Variants in CCDC146 observed in about 807,000 individuals in gnomAD.
CCDC146 encodes the protein coiled-coil domain-containing protein 146.
A neutral mutation model predicts 119.3 loss-of-function variants in CCDC146; 92 were observed. That is an observed-to-expected ratio of 0.77 (90% CI 0.65 to 0.92). CCDC146 has a LOEUF of 0.92. Among genes scored for constraint, CCDC146 ranks in the 40% least tolerant of loss-of-function variants. The pLI is 0.00. For synonymous variants in CCDC146, 372 were observed against 371.8 expected, an observed-to-expected ratio of 1.00 and a Z score of -0.01; for missense variants, 1,000 against 1,103.0, an observed-to-expected ratio of 0.91 and a Z score of 1.32.
At chr7:77,191,874 C>T (rs571241887) in intron 2 of CCDC146, among the ~76,000 whole-genome samples, 4 of 152,164 alleles carry the variant, frequency 2.6e-5, no homozygotes, top group East Asian at 1.9e-4. Flanking sequence ...GGTGCTACTG[C>T]ACTCCAGCCT....
chr7:77,148,161 G>C (rs1445694706), intron 1 of CCDC146, among the ~76,000 whole-genome samples: 2 of 152,242 alleles, frequency 1.3e-5, no homozygotes, highest in East Asian at 3.8e-4. Context: ...ATCTCAGACT[G>C]CTGTGCTAGC....
intron 2 of CCDC146, among the ~76,000 whole-genome samples, chr7:77,177,642 AC>A (rs1791520057): frequency 6.6e-6 from 1 of 151,972 alleles, no homozygotes; most frequent in Admixed American, 6.6e-5. Context: ...AAATATGTAC[AC>A]TCTGTTTAAA....
chr7:77,280,760 G>A, intron 14 of CCDC146, 107 bp downstream of exon 14: 1 of 762,184 alleles, frequency 1.3e-6, no homozygotes, highest in Non-Finnish European at 2.1e-6. Flanking sequence ...TGATATTCAG[G>A]TTGCATTAGC....
At chr7:77,171,182 C>T (rs908019400) in intron 2 of CCDC146, among the ~76,000 whole-genome samples, 12 of 152,188 alleles carry the variant, frequency 7.9e-5, no homozygotes, top group Non-Finnish European at 1.6e-4. Flanking sequence ...ATGATGTAAG[C>T]TCATGCATTT....
chr7:77,208,518 A>C (rs1295574633), intron 2 of CCDC146, among the ~76,000 whole-genome samples: 2 of 152,238 alleles, frequency 1.3e-5, no homozygotes, highest in African/African-American at 4.8e-5. Context: ...TTATAATCTT[A>C]TGGCACCACC....
At chr7:77,277,423 A>G (rs1793670233) in intron 11 of CCDC146, among the ~76,000 whole-genome samples, 1 of 152,348 alleles carries the variant, frequency 6.6e-6, no homozygotes, top group East Asian at 1.9e-4. Flanking sequence ...ACCAAAATAG[A>G]CAATTCTTCT....
At chr7:77,198,124 A>C in intron 2 of CCDC146, 1 of 985,164 alleles carries the variant, frequency 1.0e-6, no homozygotes, top group Non-Finnish European at 1.2e-6. Context: ...GATGTCACCT[A>C]AGCGGTGAAC....
At chr7:77,240,340 T>C (rs965443714) in intron 3 of CCDC146, among the ~76,000 whole-genome samples, 1 of 152,216 alleles carries the variant, frequency 6.6e-6, no homozygotes, top group Non-Finnish European at 1.5e-5. Context: ...GTAAGATTCT[T>C]GAAGCTAGGA....
Position 77,282,541 on chromosome 7 carries a change from C to T in CCDC146, c.1920-16C>T. The T allele has an allele frequency of 6.3e-7, 1 of 1,574,810 alleles. No homozygotes were observed. ...CTCAATGCCCACTTAGCCTCTGCCT[C>T]TGAATTTGACCATAGTGGCGTTCAG... On this transcript the variant is annotated splice_polypyrimidine_tract_variant and intron_variant, in intron 14 of 18. Transcript: ENST00000285871.
chr7:77,135,767 C>T (rs1790852869), intron 1 of CCDC146, among the ~76,000 whole-genome samples: 1 of 152,070 alleles, frequency 6.6e-6, no homozygotes, highest in Non-Finnish European at 1.5e-5. Context: ...AGGATGTCTA[C>T]AAGAAATCTA....
chr7:77,216,026 G>A (rs1792295911), intron 2 of CCDC146, among the ~76,000 whole-genome samples: 1 of 151,594 alleles, frequency 6.6e-6, no homozygotes, highest in Non-Finnish European at 1.5e-5. Context: ...CCCTTTTCCT[G>A]TAACAACTCA....
chr7:77,267,178 AG>A (rs1218749796), intron 9 of CCDC146, among the ~76,000 whole-genome samples: 20 of 152,004 alleles, frequency 1.3e-4, no homozygotes, highest in African/African-American at 4.8e-4. Context: ...TTTTTAGTAG[AG>A]ATGGGGTTTC....
At position 77,207,137 on chromosome 7, in the gene CCDC146, T is replaced by A. The variant is rs568906216; in HGVS notation, c.157-29810T>A. 6.6e-5 allele frequency among the ~76,000 whole-genome samples: 10 copies of A among 152,338 alleles called. No individual in the cohort carries two copies. The East Asian group carries it at 1.5e-3, about 23-fold the overall frequency. On this transcript the variant is annotated intron_variant, in intron 2 of 18. Transcript: ENST00000285871. ...GAGTAAATGTTGTAGTTTTAACAGT[T>A]AACATTGAAATACATGGGTATCTCC...
chr7:77,274,475 TCAAAAGAAAA>T lies in CCDC146; in HGVS notation c.1270-6_1273del. ...CTTATAATATTATCTGTGTTTTTTT[TCAAAAGAAAA>T]TTATATCAGAAATGGAGTCTAAGTT... On this transcript the variant is annotated splice_acceptor_variant and splice_polypyrimidine_tract_variant and coding_sequence_variant and intron_variant, in exon 11 of 19. Coordinates refer to ENST00000285871, the MANE Select transcript of CCDC146 (RefSeq NM_020879.3). LOFTEE classifies it high-confidence loss of function. The T allele has an allele frequency of 6.6e-7, 1 of 1,508,122 alleles. No individual in the cohort carries two copies. Among genetic ancestry groups the T allele is most frequent in the African/African-American group, 1.4e-5 (1 of 70,010 alleles). 93.4% of individuals were successfully genotyped at this position (1,508,122 alleles called of 1,614,324 possible).
chr7:77,192,902 G>A (rs1470068579), intron 2 of CCDC146, among the ~76,000 whole-genome samples: 2 of 151,948 alleles, frequency 1.3e-5, no homozygotes, highest in Middle Eastern at 3.2e-3. Flanking sequence ...CAGCCTGGGC[G>A]ACAGAGTGAG....
At chr7:77,153,346 T>G (rs1028189749) in intron 1 of CCDC146, among the ~76,000 whole-genome samples, 15 of 151,998 alleles carry the variant, frequency 9.9e-5, no homozygotes, top group Non-Finnish European at 2.1e-4. Flanking sequence ...GTAAGATATA[T>G]ACACTAGTAT....
chr7:77,226,423 C>A (rs1263502495), intron 2 of CCDC146, among the ~76,000 whole-genome samples: 1 of 152,262 alleles, frequency 6.6e-6, no homozygotes, highest in Non-Finnish European at 1.5e-5. Context: ...CTAATTCTTT[C>A]CTCATGCTGA....
chr7:77,244,693 A>G (rs1340399140), intron 4 of CCDC146, among the ~76,000 whole-genome samples: 1 of 152,228 alleles, frequency 6.6e-6, no homozygotes, highest in South Asian at 2.1e-4. Flanking sequence ...TGTTCACACA[A>G]TGATGAAGTT....
At chr7:77,285,276 T>C (rs1277109444) in intron 15 of CCDC146, among the ~76,000 whole-genome samples, 2 of 152,356 alleles carry the variant, frequency 1.3e-5, no homozygotes, top group East Asian at 3.9e-4. Flanking sequence ...TATATTTTTG[T>C]TTCTTATTTA....
Sources: allele counts gnomAD v4.1 joint callset (sites outside exome capture counted in the v4.1 genomes callset), GRCh38; gene constraint gnomAD v4.1.1; transcripts MANE v1.5; gene names NCBI Gene and HGNC (gene_info 2026-07-23, HGNC 2026-07-21).